OXR1: variants seen among roughly 807,000 people sequenced by gnomAD.
The protein encoded by OXR1 is oxidation resistance 1, also known as oxidation resistance protein 1.
A neutral mutation model predicts 104.6 loss-of-function variants in OXR1; 41 were observed. The ratio of observed to expected loss-of-function variants is 0.39; its 90% CI spans 0.31 to 0.51. The LOEUF (loss-of-function observed/expected upper bound fraction) is 0.51, where lower values mean the gene tolerates loss of function less well. Ranked by LOEUF, OXR1 falls within the 20% of genes least tolerant of loss-of-function variation. The pLI is 0.77. For synonymous variants in OXR1, 348 were observed against 348.4 expected (o/e 1.00, Z 0.01); for missense variants, 955 against 1,031.9 (o/e 0.93, Z 1.02).
Position 106,745,826 on chromosome 8 carries a change from A to G in OXR1, c.2450A>G (p.Lys817Arg). ...ACAGGAGATAATATGTTTTTTATCA[A>G]AGGAGACATGGATTCACTAGCTTTC... ...KWTGDNMFFI[K>R]GDMDSLAFGG... Residue 817 changes from lysine (K) to arginine (R), a missense_variant, in exon 16 of 17, where the codon AAA (lysine) becomes AGA (arginine). By Grantham distance (26) the Lys-to-Arg change is conservative. Coordinates refer to ENST00000517566, the MANE Select transcript of OXR1 (RefSeq NM_001198533.2). The G allele has an allele frequency of 6.3e-7, 1 of 1,592,632 alleles. No homozygotes were observed. Among genetic ancestry groups the G allele is most frequent in the South Asian group, 1.1e-5 (1 of 90,008 alleles).
intron 3 of OXR1, among the ~76,000 whole-genome samples, chr8:106,625,101 G>A (rs990712806): frequency 8.5e-5 from 13 of 152,142 alleles, no homozygotes; most frequent in African/African-American, 3.1e-4. Context: ...CAAGCCTAAT[G>A]TTATTTCTGT....
At chr8:106,748,935 C>T (rs1490820224) in intron 16 of OXR1, among the ~76,000 whole-genome samples, 1 of 152,078 alleles carries the variant, frequency 6.6e-6, no homozygotes, top group Admixed American at 6.5e-5. Context: ...AAACACATCT[C>T]TATACTTAAA....
intron 2 of OXR1, among the ~76,000 whole-genome samples, chr8:106,510,011 A>G (rs1168947049): frequency 1.3e-5 from 2 of 152,168 alleles, no homozygotes; most frequent in Non-Finnish European, 2.9e-5. Context: ...ACCTCAAGTG[A>G]TCTGCCCACC....
At chr8:106,394,967 C>T (rs970527376) in intron 2 of OXR1, among the ~76,000 whole-genome samples, 1 of 87,234 alleles carries the variant, frequency 1.1e-5, no homozygotes, top group East Asian at 2.7e-4. Context: ...AGAAATCTAA[C>T]GTTTACAAAT....
intron 2 of OXR1, among the ~76,000 whole-genome samples, chr8:106,484,058 G>GA (rs1028163048): frequency 6.6e-6 from 1 of 151,548 alleles, no homozygotes; most frequent in Non-Finnish European, 1.5e-5. Context: ...ATCCAAGGAA[G>GA]AAAAAAAATG....
At chr8:106,591,275 T>C (rs1419186791) in intron 3 of OXR1, among the ~76,000 whole-genome samples, 36 of 94,902 alleles carry the variant, frequency 3.8e-4, no homozygotes, top group Non-Finnish European at 6.6e-4. Flanking sequence ...CATCACACAC[T>C]GGGGACTGTT....
At chr8:106,342,652 A>T (rs1215307459) in intron 1 of OXR1, among the ~76,000 whole-genome samples, 1 of 151,606 alleles carries the variant, frequency 6.6e-6, no homozygotes, top group Non-Finnish European at 1.5e-5. Context: ...TTCATAGTTC[A>T]TCTGTGTGCA....
chr8:106,490,288 A>G (rs536013525), intron 2 of OXR1, among the ~76,000 whole-genome samples: 4 of 152,304 alleles, frequency 2.6e-5, no homozygotes, highest in African/African-American at 7.2e-5. Flanking sequence ...TTAAAATGCT[A>G]TGATAAACAG....
chr8:106,377,480 C>G (rs1816956219), intron 2 of OXR1, among the ~76,000 whole-genome samples: 1 of 152,192 alleles, frequency 6.6e-6, no homozygotes, highest in African/African-American at 2.4e-5. Flanking sequence ...GCTATGGCGA[C>G]TGACCTAACA....
At chr8:106,278,656 A>G (rs1382318810) in intron 1 of OXR1, among the ~76,000 whole-genome samples, 2 of 152,106 alleles carry the variant, frequency 1.3e-5, no homozygotes, top group Non-Finnish European at 2.9e-5. Flanking sequence ...TCTCTCATTT[A>G]TTTTTCACCC....
chr8:106,440,838 A>C (rs953829368), intron 2 of OXR1, among the ~76,000 whole-genome samples: 6 of 152,118 alleles, frequency 3.9e-5, no homozygotes, highest in Admixed American at 1.3e-4. Context: ...TAGCATGTTA[A>C]CCTAGATGAT....
chr8:106,609,138 G>A (rs1424589659), intron 3 of OXR1, among the ~76,000 whole-genome samples: 1 of 152,106 alleles, frequency 6.6e-6, no homozygotes, highest in Non-Finnish European at 1.5e-5. Context: ...GTGGGACGTG[G>A]TGGGTCATGC....
At chr8:106,615,314 CCCAGCTACTCAGGAGG>C (rs372612561) in intron 3 of OXR1, among the ~76,000 whole-genome samples, 216 of 152,140 alleles carry the variant, frequency 1.4e-3, no homozygotes, top group African/African-American at 4.8e-3. Context: ...TGCCTGTAGT[CCCAGCTACTCAGGAGG>C]CTGAGGCAGG....
intron 2 of OXR1, among the ~76,000 whole-genome samples, chr8:106,468,225 A>G (rs75348680): frequency 0.011 from 1,702 of 151,958 alleles, 29 homozygotes; most frequent in African/African-American, 0.039. Context: ...TTACATTTTA[A>G]TGAGTATAGT....
intron 3 of OXR1, among the ~76,000 whole-genome samples, chr8:106,529,013 A>C (rs932473217): frequency 6.6e-6 from 1 of 152,214 alleles, no homozygotes; most frequent in Non-Finnish European, 1.5e-5. Flanking sequence ...GGATCACAAA[A>C]ATTTTTAGGG....
intron 2 of OXR1, among the ~76,000 whole-genome samples, chr8:106,387,538 A>G (rs1268606415): frequency 6.6e-6 from 1 of 152,028 alleles, no homozygotes; most frequent in African/African-American, 2.4e-5. Context: ...TTCTGTTTTT[A>G]TTTTGCTTAT....
intron 3 of OXR1, among the ~76,000 whole-genome samples, chr8:106,604,060 A>C (rs1222655868): frequency 1.3e-5 from 2 of 152,150 alleles, no homozygotes; most frequent in African/African-American, 4.8e-5. Flanking sequence ...CTCAAAAAAC[A>C]AACAAACAAA....
chr8:106,647,185 C>A (rs1420487725), intron 3 of OXR1, among the ~76,000 whole-genome samples: 1 of 152,094 alleles, frequency 6.6e-6, no homozygotes, highest in African/African-American at 2.4e-5. Context: ...GAGTTAACAC[C>A]TTTTGGACAA....
intron 1 of OXR1, among the ~76,000 whole-genome samples, chr8:106,344,686 G>A (rs1031530767): frequency 2.6e-5 from 4 of 152,096 alleles, no homozygotes; most frequent in East Asian, 3.9e-4. Context: ...ATAGGATTCC[G>A]GCCTTTCTCC....
Sources: allele counts gnomAD v4.1 joint callset (sites outside exome capture counted in the v4.1 genomes callset), GRCh38; gene constraint gnomAD v4.1.1; transcripts MANE v1.5; gene names NCBI Gene and HGNC (gene_info 2026-07-23, HGNC 2026-07-21).